Variants in USP48 observed in about 807,000 individuals in gnomAD.
USP48 encodes the protein ubiquitin specific peptidase 48.
In USP48, 43 loss-of-function variants were observed where a neutral mutation model predicts 150.7. That is an observed-to-expected ratio of 0.29 (90% CI 0.22 to 0.37). The LOEUF is 0.37. Among genes scored for constraint, USP48 ranks in the 10% least tolerant of loss-of-function variants. USP48 has a pLI of 1.00. For synonymous variants in USP48, 396 were observed against 425.9 expected (o/e 0.93, Z 0.86); for missense variants, 813 against 1,249.6 (o/e 0.65, Z 5.27).
intron 22 of USP48, among the ~76,000 whole-genome samples, chr1:21,699,921 G>A (rs780523401): frequency 4.0e-5 from 6 of 150,378 alleles, no homozygotes; most frequent in Non-Finnish European, 5.9e-5. Flanking sequence ...AGATGTCCCC[G>A]CCACAGAGAT....
At chr1:21,714,413 G>A (rs1208349132) in intron 15 of USP48, among the ~76,000 whole-genome samples, 1 of 152,106 alleles carries the variant, frequency 6.6e-6, no homozygotes, top group East Asian at 1.9e-4. Context: ...GAAACTGCAG[G>A]CACATACCAC....
At chr1:21,711,887 A>G (rs1397643329) in intron 15 of USP48, among the ~76,000 whole-genome samples, 1 of 152,190 alleles carries the variant, frequency 6.6e-6, no homozygotes, top group Non-Finnish European at 1.5e-5. Context: ...ACTACCACAA[A>G]AGTCTCTTAA....
chr1:21,751,366 T>C (rs1358641708), intron 6 of USP48, 141 bp downstream of exon 6: 1 of 658,072 alleles, frequency 1.5e-6, no homozygotes, highest in Non-Finnish European at 2.6e-6. Context: ...TAAAGTGTCT[T>C]CTGGATCATT....
At chr1:21,734,483 A>T (rs1279068623) in intron 9 of USP48, among the ~76,000 whole-genome samples, 1 of 152,234 alleles carries the variant, frequency 6.6e-6, no homozygotes, top group East Asian at 1.9e-4. Context: ...GGAGTTAACA[A>T]ACGATTATCT....
At chr1:21,682,394 C>A (rs773410649) in intron 25 of USP48, among the ~76,000 whole-genome samples, 23 of 151,608 alleles carry the variant, frequency 1.5e-4, no homozygotes, top group Non-Finnish European at 3.2e-4. Context: ...CATGAACTCT[C>A]TTCTATGCTC....
intron 3 of USP48, 117 bp from the exon 4 acceptor site, chr1:21,753,236 A>G (rs2097821379): frequency 6.4e-6 from 7 of 1,094,332 alleles, no homozygotes; most frequent in Non-Finnish European, 8.9e-6. Flanking sequence ...CTAGATTAAT[A>G]CTTTATTATC....
chr1:21,760,671 G>A (rs547338064), intron 1 of USP48, among the ~76,000 whole-genome samples: 5 of 152,030 alleles, frequency 3.3e-5, no homozygotes, highest in East Asian at 1.9e-4. Context: ...AGCCGAGATC[G>A]TGCCACTGCA....
intron 14 of USP48, among the ~76,000 whole-genome samples, chr1:21,720,001 G>A (rs1273488291): frequency 6.6e-6 from 1 of 152,174 alleles, no homozygotes; most frequent in Non-Finnish European, 1.5e-5. Context: ...GAACATTAAA[G>A]TAATAAATTT....
chr1:21,752,056 C>T (rs1344463538), intron 5 of USP48, among the ~76,000 whole-genome samples: 2 of 151,254 alleles, frequency 1.3e-5, no homozygotes, highest in Non-Finnish European at 2.9e-5. Flanking sequence ...AAACAAAGTG[C>T]CTGGTGAAGC....
intron 8 of USP48, among the ~76,000 whole-genome samples, chr1:21,746,189 A>G (rs1311804309): frequency 6.6e-6 from 1 of 152,164 alleles, no homozygotes; most frequent in Admixed American, 6.5e-5. Context: ...GATAGAGTTT[A>G]TAAAATAATT....
intron 1 of USP48, chr1:21,768,246 C>A (rs1302189037): frequency 6.4e-6 from 1 of 155,486 alleles, no homozygotes; most frequent in Non-Finnish European, 1.5e-5. Flanking sequence ...AAAGTCTCAG[C>A]AGGTACCTCA....
At chr1:21,765,099 T>C (rs762887568) in intron 1 of USP48, among the ~76,000 whole-genome samples, 1 of 152,216 alleles carries the variant, frequency 6.6e-6, no homozygotes, top group African/African-American at 2.4e-5. Context: ...ATAATTCTAC[T>C]TCTGGGCACA....
intron 15 of USP48, among the ~76,000 whole-genome samples, chr1:21,714,950 C>T (rs762536346): frequency 1.1e-4 from 16 of 151,916 alleles, no homozygotes; most frequent in East Asian, 3.8e-4. Flanking sequence ...GGTGTGATGG[C>T]GCATGCCTAT....
chr1:21,722,142 C>A (rs1016154018), intron 12 of USP48, among the ~76,000 whole-genome samples: 2 of 151,876 alleles, frequency 1.3e-5, no homozygotes, highest in Non-Finnish European at 2.9e-5. Flanking sequence ...ATCTTCAAAG[C>A]ACACTAAAAG....
At chr1:21,693,885 C>G (rs1364115762) in intron 23 of USP48, among the ~76,000 whole-genome samples, 1 of 152,230 alleles carries the variant, frequency 6.6e-6, no homozygotes, top group African/African-American at 2.4e-5. Flanking sequence ...AAGGCCTGTA[C>G]TTTTGCCTCA....
chr1:21,715,953 C>A (rs777903361), intron 14 of USP48, among the ~76,000 whole-genome samples: 2 of 152,202 alleles, frequency 1.3e-5, no homozygotes, highest in Non-Finnish European at 2.9e-5. Flanking sequence ...CTAAAACCTA[C>A]CACCGAACTC....
chr1:21,739,211 C>G (rs1346008593), intron 8 of USP48, among the ~76,000 whole-genome samples: 1 of 151,876 alleles, frequency 6.6e-6, no homozygotes, highest in Non-Finnish European at 1.5e-5. Context: ...CACCAGGAAA[C>G]TAAGGTTTTT....
intron 11 of USP48, chr1:21,726,650 T>C (rs1194302969): frequency 1.3e-5 from 2 of 152,204 alleles, no homozygotes; most frequent in African/African-American, 4.8e-5. Context: ...AGAATACAAG[T>C]GGAGCACAAG....
chr1:21,737,175 C>T (rs538486024), intron 8 of USP48, among the ~76,000 whole-genome samples: 8 of 152,242 alleles, frequency 5.3e-5, no homozygotes, highest in South Asian at 2.1e-4. Context: ...ACACCCAGCG[C>T]GTTGAGATGA....
Sources: gnomAD v4.1 joint callset for allele counts (sites outside exome capture counted in the v4.1 genomes callset) on GRCh38, gnomAD v4.1.1 for gene constraint, MANE v1.5 for transcripts, NCBI Gene and HGNC (gene_info 2026-07-23, HGNC 2026-07-21) for gene names.